DCAF8L2: variants seen among roughly 807,000 people sequenced by gnomAD.
The protein encoded by DCAF8L2 is DDB1 and CUL4 associated factor 8 like 2, also known as DDB1- and CUL4-associated factor 8-like protein 2.
For missense variants in DCAF8L2, 430 were observed against 490.7 expected (o/e 0.88, Z 1.17); for synonymous variants, 200 against 190.9 (o/e 1.05, Z -0.39).
the DCAF8L2 span, chrX:27,517,811 C>T: frequency 2.2e-5 from 24 of 1,105,240 alleles, no homozygotes; most frequent in South Asian, 9.2e-5. Context: ...ATTGCCTTGT[C>T]GAATCTGTCG....
chrX:27,472,897 A>T, the DCAF8L2 span, among the ~76,000 whole-genome samples: 1 of 111,840 alleles, frequency 8.9e-6, no homozygotes, highest in African/African-American at 3.3e-5. Flanking sequence ...TTTATTTGAA[A>T]CATTAGTTTT....
At chrX:27,715,749 G>T (rs1022888121) in intron 3 of DCAF8L2, among the ~76,000 whole-genome samples, 1 of 111,798 alleles carries the variant, frequency 8.9e-6, no homozygotes, top group African/African-American at 3.3e-5. Context: ...GTCAAGCTAT[G>T]TCATAATAAA....
At chrX:27,614,825 T>C (rs1333945786) in intron 1 of DCAF8L2, among the ~76,000 whole-genome samples, 1 of 111,700 alleles carries the variant, frequency 9.0e-6, no homozygotes, top group Non-Finnish European at 1.9e-5. Flanking sequence ...AGACAGTTTG[T>C]TGTGATTTCC....
the DCAF8L2 span, among the ~76,000 whole-genome samples, chrX:27,498,692 T>C: frequency 8.9e-6 from 1 of 112,161 alleles, no homozygotes; most frequent in Non-Finnish European, 1.9e-5. Context: ...AGTTCGTACC[T>C]TTTGACCAAC....
At chrX:27,579,455 G>A in the DCAF8L2 span, among the ~76,000 whole-genome samples, 1 of 110,314 alleles carries the variant, frequency 9.1e-6, no homozygotes, top group Non-Finnish European at 1.9e-5. Flanking sequence ...AATGCATGTG[G>A]GGCTTAATAC....
At chrX:27,739,424 A>G (rs1044462301) in intron 4 of DCAF8L2, among the ~76,000 whole-genome samples, 6 of 111,389 alleles carry the variant, frequency 5.4e-5, no homozygotes, top group African/African-American at 9.8e-5. Context: ...ATATTCTCAT[A>G]TTGTTCTCCT....
At chrX:27,472,073 T>C in the DCAF8L2 span, among the ~76,000 whole-genome samples, 2 of 112,011 alleles carry the variant, frequency 1.8e-5, no homozygotes, top group East Asian at 5.7e-4. Context: ...TTCTGAGCTT[T>C]GATTTGAACC....
chrX:27,473,826 TA>T, the DCAF8L2 span, among the ~76,000 whole-genome samples: 1 of 111,695 alleles, frequency 9.0e-6, no homozygotes, highest in African/African-American at 3.3e-5. Flanking sequence ...TCAGAAATAT[TA>T]GCCTGCTTTT....
chrX:27,649,829 T>C (rs1929084045), intron 2 of DCAF8L2, among the ~76,000 whole-genome samples: 1 of 111,918 alleles, frequency 8.9e-6, no homozygotes, highest in Admixed American at 9.5e-5. Flanking sequence ...TCAATTTTTG[T>C]TTTTGTTTGC....
chrX:27,541,330 T>G, the DCAF8L2 span, among the ~76,000 whole-genome samples: 3 of 100,174 alleles, frequency 3.0e-5, no homozygotes, highest in Non-Finnish European at 6.0e-5. Flanking sequence ...GAAATAAATT[T>G]TTTTATTTTT....
the DCAF8L2 span, among the ~76,000 whole-genome samples, chrX:27,484,877 G>C: frequency 9.0e-6 from 1 of 111,484 alleles, no homozygotes; most frequent in South Asian, 3.7e-4. Flanking sequence ...AGGTATGAAT[G>C]TAAAAACATT....
At chrX:27,579,903 T>C in the DCAF8L2 span, among the ~76,000 whole-genome samples, 4 of 108,812 alleles carry the variant, frequency 3.7e-5, no homozygotes, top group African/African-American at 6.6e-5. Context: ...AAAGATGATA[T>C]AATTATTATA....
intron 3 of DCAF8L2, among the ~76,000 whole-genome samples, chrX:27,697,205 T>C (rs987114960): frequency 8.1e-5 from 9 of 111,608 alleles, no homozygotes; most frequent in East Asian, 2.8e-4. Flanking sequence ...AAGAACTTTA[T>C]AGAGGTGATA....
intron 2 of DCAF8L2, among the ~76,000 whole-genome samples, chrX:27,642,136 G>A (rs748505139): frequency 7.3e-4 from 78 of 107,521 alleles, no homozygotes; most frequent in Admixed American, 2.6e-3. Context: ...CTCGTGATCC[G>A]CCCACCTCGG....
chrX:27,610,149 G>A (rs760299073), intron 1 of DCAF8L2, among the ~76,000 whole-genome samples: 54 of 111,712 alleles, frequency 4.8e-4, no homozygotes, highest in Admixed American at 7.7e-4. Context: ...GCTTCATGAC[G>A]TTATTCCAGG....
the DCAF8L2 span, among the ~76,000 whole-genome samples, chrX:27,580,618 C>T: frequency 3.6e-5 from 4 of 111,726 alleles, no homozygotes; most frequent in South Asian, 7.5e-4. Flanking sequence ...ACATTAGCAA[C>T]GGCTTCAACA....
At chrX:27,535,382 G>A in the DCAF8L2 span, among the ~76,000 whole-genome samples, 6 of 111,316 alleles carry the variant, frequency 5.4e-5, no homozygotes, top group South Asian at 3.8e-4. Flanking sequence ...TTATCACATC[G>A]CCATCATAAT....
At chrX:27,533,005 A>G in the DCAF8L2 span, among the ~76,000 whole-genome samples, 1 of 103,733 alleles carries the variant, frequency 9.6e-6, no homozygotes, top group Non-Finnish European at 2.0e-5. Context: ...TGAACCTGGG[A>G]AGCGGAGGTT....
chrX:27,477,752 T>G, the DCAF8L2 span, among the ~76,000 whole-genome samples: 1 of 111,833 alleles, frequency 8.9e-6, no homozygotes, highest in Non-Finnish European at 1.9e-5. Context: ...GATGATACAG[T>G]GTATAGAGAG....
Sources: allele counts gnomAD v4.1 joint callset (sites outside exome capture counted in the v4.1 genomes callset), GRCh38; gene constraint gnomAD v4.1.1; transcripts MANE v1.5; gene names NCBI Gene and HGNC (gene_info 2026-07-23, HGNC 2026-07-21).